The following WASL variants were observed in gnomAD, a reference collection of about 807,000 sequenced individuals.
WASL encodes actin nucleation-promoting factor WASL.
In WASL, 20 loss-of-function variants were observed where a neutral mutation model predicts 55.5. The observed-to-expected ratio is 0.36, with a 90% CI of 0.25 to 0.52. WASL has a LOEUF of 0.52. WASL is among the 20% of genes least tolerant of loss of function. WASL has a pLI of 0.92. For synonymous variants in WASL, 249 were observed against 217.6 expected (o/e 1.14, Z -1.27); for missense variants, 504 against 622.5 (o/e 0.81, Z 2.03).
At chr7:123,691,974 GA>G in intron 9 of WASL, among the ~76,000 whole-genome samples, 1 of 152,286 alleles carries the variant, frequency 6.6e-6, no homozygotes, top group East Asian at 1.9e-4. Flanking sequence ...CTAGAACAAT[GA>G]ATTGCAAACA....
chr7:123,718,338 T>G (rs1204168586), intron 1 of WASL, among the ~76,000 whole-genome samples: 1 of 152,180 alleles, frequency 6.6e-6, no homozygotes, highest in Non-Finnish European at 1.5e-5. Context: ...CAATAGAATT[T>G]TGTATATGAA....
intron 8 of WASL, among the ~76,000 whole-genome samples, chr7:123,693,362 T>A (rs1803443829): frequency 6.6e-6 from 1 of 152,246 alleles, no homozygotes; most frequent in Admixed American, 6.5e-5. Flanking sequence ...TAATCTGCGC[T>A]AAAGCCCAAA....
At position 123,748,749 on chromosome 7, in the gene WASL, G is replaced by A. The variant is rs754003266; in HGVS notation, c.-15C>T. 6.4e-7 allele frequency: 1 copy of A among 1,566,402 alleles called. No individual in the cohort carries two copies. The highest frequency in any genetic ancestry group is 1.2e-5 in the South Asian group (1 of 86,706). ...ACGGAGCTCATGGTTTCGCCGGCGG[G>A]GTTGGGAGTCCAGGGCCGTCTCCTC... On this transcript the variant is annotated 5_prime_UTR_variant, in exon 1 of 11. Coordinates refer to ENST00000223023, the MANE Select transcript of WASL (RefSeq NM_003941.4).
At chr7:123,703,475 TTTGA>T (rs1455697665) in intron 5 of WASL, among the ~76,000 whole-genome samples, 1 of 152,186 alleles carries the variant, frequency 6.6e-6, no homozygotes, top group Non-Finnish European at 1.5e-5. Context: ...TATGCTAAGC[TTTGA>T]TTACTTCAAT....
chr7:123,688,911 A>T, intron 10 of WASL, 131 bp downstream of exon 10: 1 of 813,806 alleles, frequency 1.2e-6, no homozygotes, highest in Non-Finnish European at 2.0e-6. Context: ...ATCAGTAGTT[A>T]CTCAATTAGC....
At chr7:123,709,562 C>T (rs1030994751) in intron 1 of WASL, among the ~76,000 whole-genome samples, 1 of 152,138 alleles carries the variant, frequency 6.6e-6, no homozygotes, top group African/African-American at 2.4e-5. Flanking sequence ...AGAAACCCGA[C>T]ACTAAAGGGG....
intron 1 of WASL, among the ~76,000 whole-genome samples, chr7:123,713,428 C>T (rs1215044831): frequency 6.6e-6 from 1 of 152,154 alleles, no homozygotes; most frequent in Non-Finnish European, 1.5e-5. Flanking sequence ...GTAGGGATTA[C>T]AGATGCGAGC....
chr7:123,692,204 A>G (rs778069440), intron 9 of WASL, 143 bp downstream of exon 9: 220 of 1,198,710 alleles, frequency 1.8e-4, no homozygotes, highest in Non-Finnish European at 2.3e-4. Flanking sequence ...ACTGCATGTA[A>G]AAGTATTTTT....
intron 1 of WASL, among the ~76,000 whole-genome samples, chr7:123,714,559 G>A (rs143561969): frequency 1.0e-3 from 156 of 152,268 alleles, no homozygotes; most frequent in African/African-American, 3.6e-3. Context: ...CAAACACAGA[G>A]AGTCTTTTAG....
intron 1 of WASL, among the ~76,000 whole-genome samples, chr7:123,746,785 G>C (rs775533023): frequency 7.2e-5 from 11 of 152,100 alleles, no homozygotes; most frequent in Non-Finnish European, 1.2e-4. Context: ...GCCATTTTTC[G>C]AAACCAGTAA....
chr7:123,744,116 A>G (rs747774370), intron 1 of WASL, among the ~76,000 whole-genome samples: 11 of 152,350 alleles, frequency 7.2e-5, no homozygotes, highest in South Asian at 2.1e-4. Context: ...CCCTCTAAGC[A>G]TATCCTTCCC....
intron 1 of WASL, among the ~76,000 whole-genome samples, chr7:123,739,811 T>C (rs1428861645): frequency 6.6e-6 from 1 of 152,106 alleles, no homozygotes; most frequent in Non-Finnish European, 1.5e-5. Flanking sequence ...GTTTTTCATA[T>C]TCAAGTCCCA....
intron 1 of WASL, among the ~76,000 whole-genome samples, chr7:123,736,229 T>C (rs1175541660): frequency 2.6e-5 from 4 of 151,948 alleles, no homozygotes; most frequent in Non-Finnish European, 5.9e-5. Flanking sequence ...TATATCAACC[T>C]GAAAGAATTT....
chr7:123,745,209 C>T (rs1584877617), intron 1 of WASL, among the ~76,000 whole-genome samples: 1 of 152,078 alleles, frequency 6.6e-6, no homozygotes. Context: ...TTCTTGAATT[C>T]CCAAAGTACT....
intron 1 of WASL, among the ~76,000 whole-genome samples, chr7:123,728,838 TTAGTCG>T (rs1804095386): frequency 6.6e-6 from 1 of 152,122 alleles, no homozygotes; most frequent in African/African-American, 2.4e-5. Context: ...ATAACTGCTG[TTAGTCG>T]TCTGGAGACT....
At chr7:123,719,700 G>T (rs1265777312) in intron 1 of WASL, among the ~76,000 whole-genome samples, 2 of 152,170 alleles carry the variant, frequency 1.3e-5, no homozygotes, top group Non-Finnish European at 2.9e-5. Context: ...AAAATCTCCA[G>T]CAAGCCTTTG....
Position 123,692,563 on chromosome 7 carries a change from A to C in WASL, c.1131T>G (p.Pro377=). The change falls in exon 9 of 11, where the codon CCT becomes CCG. Residue 377 remains proline, a synonymous_variant. Coordinates refer to ENST00000223023, the MANE Select transcript of WASL (RefSeq NM_003941.4). ...GTGGCCCAGGAGGAGGTGGAGGTGG[A>C]GGCGGTGGGGGTGGTGCCACTGGCC... ...GVGPVAPPPP[P]PPPPPPGPPP... is the part of the protein sequence containing the mutation. 2.5e-6 allele frequency: 4 copies of C among 1,612,482 alleles called. No homozygotes were observed. The highest frequency in any genetic ancestry group is 3.4e-6 in the Non-Finnish European group (4 of 1,178,926).
Position 123,704,638 on chromosome 7 carries a change from TG to T in WASL, c.455del (p.Pro152GlnfsTer13). ...QRKSEKRRDP[P>X]NGPNLPMATV... ...AATAATTGTCAAAAAGCTTACCATT[TG>T]GGGGATCTCGTCTTTTCTCTGTTAG... On this transcript the variant is annotated frameshift_variant, in exon 5 of 11. Transcript: ENST00000223023. LOFTEE classifies it high-confidence loss of function. 1.3e-6 allele frequency: 2 copies of T among 1,511,796 alleles called. No individual in the cohort carries two copies. Among genetic ancestry groups the T allele is most frequent in the Non-Finnish European group, 1.8e-6 (2 of 1,107,616 alleles). The allele number at this position is 1,511,796 out of a possible 1,614,324, so 93.6% of individuals were successfully genotyped here.
At chr7:123,685,208 AAT>A (rs1272584105) in intron 10 of WASL, among the ~76,000 whole-genome samples, 1 of 151,926 alleles carries the variant, frequency 6.6e-6, no homozygotes, top group Admixed American at 6.6e-5. Flanking sequence ...AAGTTTAAAA[AAT>A]ATGTTGCTAC....
Sources: gnomAD v4.1 joint callset for allele counts (sites outside exome capture counted in the v4.1 genomes callset) on GRCh38, gnomAD v4.1.1 for gene constraint, MANE v1.5 for transcripts, NCBI Gene and HGNC (gene_info 2026-07-23, HGNC 2026-07-21) for gene names.